Variants in SUSD4 observed in about 807,000 individuals in gnomAD.
SUSD4 encodes the protein sushi domain containing 4.
In SUSD4, 41 loss-of-function variants were observed where a neutral mutation model predicts 50.5. The ratio of observed to expected loss-of-function variants is 0.81; its 90% CI spans 0.63 to 1.05. The LOEUF (loss-of-function observed/expected upper bound fraction) is 1.05, where lower values mean the gene tolerates loss of function less well. Among genes scored for constraint, SUSD4 ranks in the 50% least tolerant of loss-of-function variants. The pLI is 0.00. For synonymous variants in SUSD4, 257 were observed against 257.3 expected, an observed-to-expected ratio of 1.00 and a Z score of 0.01; for missense variants, 580 against 634.7, an observed-to-expected ratio of 0.91 and a Z score of 0.93.
intron 2 of SUSD4, among the ~76,000 whole-genome samples, chr1:223,323,535 C>A (rs567980407): frequency 1.4e-4 from 21 of 152,164 alleles, no homozygotes; most frequent in African/African-American, 4.3e-4. Context: ...TGGAAGGGTC[C>A]AGCCATGAGG....
chr1:223,268,564 A>G lies in SUSD4; in HGVS notation c.473T>C (p.Leu158Pro). ...HEGFKIRYPD[L>P]HNMVSLCRDD... Reference sequence around the variant, plus strand: ...GCGACATAATGAAACCATATTGTGTAGGTCGGGGTACCGGATCTTGAATCC... The same window carrying G: ...GCGACATAATGAAACCATATTGTGTGGGTCGGGGTACCGGATCTTGAATCC... Residue 158 changes from leucine to proline, a missense_variant, in exon 4 of 9, where the codon CTA becomes CCA. Leu to Pro is a moderately conservative substitution (Grantham distance 98). Coordinates refer to ENST00000366878, the MANE Select transcript of SUSD4 (RefSeq NM_017982.4). 1 of 1,614,188 alleles carries G rather than the reference A, an allele frequency of 6.2e-7. No homozygotes were observed. The highest frequency in any genetic ancestry group is 2.2e-5 in the East Asian group (1 of 44,882).
chr1:223,261,440 T>C (rs574838297), intron 5 of SUSD4, among the ~76,000 whole-genome samples: 1 of 152,236 alleles, frequency 6.6e-6, no homozygotes, highest in African/African-American at 2.4e-5. Flanking sequence ...ACTGAGCAAG[T>C]TACTGAACCT....
chr1:223,222,455 A>G (rs527820052), intron 8 of SUSD4, among the ~76,000 whole-genome samples: 1 of 152,358 alleles, frequency 6.6e-6, no homozygotes, highest in South Asian at 2.1e-4. Context: ...CATAAAAAAT[A>G]AAATGTTACA....
chr1:223,257,586 G>T (rs564344706), intron 5 of SUSD4, among the ~76,000 whole-genome samples: 12 of 152,194 alleles, frequency 7.9e-5, no homozygotes, highest in Non-Finnish European at 1.2e-4. Context: ...AGGGAAATTG[G>T]TGATGCCTAA....
intron 5 of SUSD4, among the ~76,000 whole-genome samples, chr1:223,256,439 C>T (rs930724551): frequency 4.6e-5 from 7 of 152,202 alleles, no homozygotes; most frequent in Non-Finnish European, 1.5e-5. Context: ...CTAAAGATAG[C>T]AGGTGATGTG....
In SUSD4 at chr1:223,223,238, C is replaced by T; in HGVS notation, c.1444+11G>A. On this transcript the variant is annotated intron_variant, in intron 8 of 8. Coordinates refer to ENST00000366878, the MANE Select transcript of SUSD4 (RefSeq NM_017982.4). ...TGCAGGTGTGGCTTGGGCCCTGGGGCAAGCACTTACCATCTGCAATGTCGA... is the reference window on the plus strand; with the variant it reads ...TGCAGGTGTGGCTTGGGCCCTGGGGTAAGCACTTACCATCTGCAATGTCGA... The T allele has an allele frequency of 6.6e-7, 1 of 1,522,004 alleles. No individual in the cohort carries two copies. The highest frequency in any genetic ancestry group is 8.8e-7 in the Non-Finnish European group (1 of 1,142,260). 94.3% of individuals were successfully genotyped at this position (1,522,004 alleles called of 1,614,324 possible).
intron 2 of SUSD4, among the ~76,000 whole-genome samples, chr1:223,342,274 T>A (rs1233341819): frequency 1.3e-5 from 2 of 152,176 alleles, no homozygotes; most frequent in Non-Finnish European, 2.9e-5. Context: ...AGGGCTGATG[T>A]TGTCTTTAAA....
In SUSD4 at chr1:223,221,993, C is replaced by T; in HGVS notation, c.*199G>A. The T allele has an allele frequency of 1.8e-6, 1 of 570,530 alleles. No individual in the cohort carries two copies. Among genetic ancestry groups the T allele is most frequent in the East Asian group, 3.0e-5 (1 of 33,852 alleles). The allele number at this position is 570,530 out of a possible 1,614,324, so 35.3% of individuals were successfully genotyped here. On this transcript the variant is annotated 3_prime_UTR_variant, in exon 9 of 9. Coordinates refer to ENST00000366878, the MANE Select transcript of SUSD4 (RefSeq NM_017982.4). ...CGGTTCCCCATGGGTCTTGGTGAAT[C>T]CTCAAATCTCATTTAAAAGCACTGC...
chr1:223,260,538 G>A (rs931455244), intron 5 of SUSD4, among the ~76,000 whole-genome samples: 1 of 152,174 alleles, frequency 6.6e-6, no homozygotes, highest in Non-Finnish European at 1.5e-5. Flanking sequence ...TAAGATACAC[G>A]CAGACAAGGC....
chr1:223,295,839 T>TAAA (rs202240339), intron 2 of SUSD4, among the ~76,000 whole-genome samples: 1,538 of 116,754 alleles, frequency 0.013, 23 homozygotes, highest in African/African-American at 0.046. Flanking sequence ...ACTTAAAGTA[T>TAAA]AAAAAAAAAA....
intron 5 of SUSD4, among the ~76,000 whole-genome samples, chr1:223,230,981 C>T (rs112053465): frequency 0.01 from 1,555 of 152,176 alleles, 25 homozygotes; most frequent in African/African-American, 0.034. Context: ...TGGAATTTAA[C>T]GAGGTGATGG....
In SUSD4 at chr1:223,359,603, T is replaced by C. The variant is rs568815396; in HGVS notation, c.148+3675A>G. On this transcript the variant is annotated intron_variant, in intron 2 of 8. Transcript: ENST00000366878. ...GGCAGTAATTTGGGAATCTTTTTTC[T>C]TGCTCTCAATCAAAATTAGCTGAAC... Among the ~76,000 whole-genome samples the C allele has an allele frequency of 7.2e-5, 11 of 152,366 alleles. No individual in the cohort carries two copies. The South Asian group carries it at 2.3e-3, about 32-fold the overall frequency.
At chr1:223,258,140 A>G (rs1215366410) in intron 5 of SUSD4, among the ~76,000 whole-genome samples, 1 of 152,098 alleles carries the variant, frequency 6.6e-6, no homozygotes, top group Non-Finnish European at 1.5e-5. Flanking sequence ...GGCACTTCTG[A>G]GTGAAGGCAG....
chr1:223,257,921 T>C (rs1661814288), intron 5 of SUSD4, among the ~76,000 whole-genome samples: 1 of 152,184 alleles, frequency 6.6e-6, no homozygotes, highest in Non-Finnish European at 1.5e-5. Flanking sequence ...TACGACCTTA[T>C]TGGGAACGGT....
chr1:223,280,426 G>A (rs1248246337), intron 3 of SUSD4, among the ~76,000 whole-genome samples: 1 of 151,774 alleles, frequency 6.6e-6, no homozygotes, highest in African/African-American at 2.4e-5. Flanking sequence ...AAAAAGGCAG[G>A]GGTTGCAATC....
At chr1:223,283,979 G>C (rs1156785812) in intron 3 of SUSD4, among the ~76,000 whole-genome samples, 1 of 151,480 alleles carries the variant, frequency 6.6e-6, no homozygotes, top group Non-Finnish European at 1.5e-5. Flanking sequence ...ACTATCACAA[G>C]AACAAATAAC....
chr1:223,363,178 C>A (rs1422580998), intron 2 of SUSD4, 100 bp downstream of exon 2: 3 of 1,309,530 alleles, frequency 2.3e-6, no homozygotes, highest in African/African-American at 1.5e-5. Flanking sequence ...CTCCTGAAGT[C>A]TGGGTGTATG....
chr1:223,327,771 C>G (rs149534785), intron 2 of SUSD4, among the ~76,000 whole-genome samples: 1 of 152,208 alleles, frequency 6.6e-6, no homozygotes, highest in Non-Finnish European at 1.5e-5. Flanking sequence ...GCACCTTGGG[C>G]CAGGTGCCAT....
At position 223,231,126 on chromosome 1, in the gene SUSD4, G is replaced by T. The variant is rs913490757; in HGVS notation, c.725-1738C>A. On this transcript the variant is annotated intron_variant, in intron 5 of 8. Coordinates refer to ENST00000366878, the MANE Select transcript of SUSD4 (RefSeq NM_017982.4). This position sits in a 1 kb window ranked among gnomAD's most constrained non-coding sequence, Gnocchi z 4.2. ...AGGTGGAACCATGGAGGTCTATCCC[G>T]CGGGAACTGGAGCCCGGGGAAACTC... Among the ~76,000 whole-genome samples, 1 of 152,010 alleles carries T rather than the reference G, an allele frequency of 6.6e-6. No individual in the cohort carries two copies. The highest frequency in any genetic ancestry group is 1.5e-5 in the Non-Finnish European group (1 of 67,996).
Sources: gnomAD v4.1 joint callset for allele counts (sites outside exome capture counted in the v4.1 genomes callset) on GRCh38, gnomAD v4.1.1 for gene constraint, Gnocchi (gnomAD v3.1) non-coding constraint, MANE v1.5 for transcripts, NCBI Gene and HGNC (gene_info 2026-07-23, HGNC 2026-07-21) for gene names.